The following BABAM2 variants were observed in gnomAD, a reference collection of about 807,000 sequenced individuals.
BABAM2 encodes BRISC and BRCA1-A complex member 2.
In BABAM2, 31 loss-of-function variants were observed where a neutral mutation model predicts 54.7. That is an observed-to-expected ratio of 0.57 (90% CI 0.43 to 0.77). The LOEUF (loss-of-function observed/expected upper bound fraction) is 0.77. BABAM2 is among the 30% of genes least tolerant of loss of function. BABAM2 has a pLI of 0.00. For missense variants in BABAM2, 364 were observed against 455.8 expected (o/e 0.80, Z 1.83); for synonymous variants, 167 against 162.9 (o/e 1.03, Z -0.19).
At chr2:28,033,028 A>C (rs1369794699) in intron 5 of BABAM2, among the ~76,000 whole-genome samples, 1 of 152,164 alleles carries the variant, frequency 6.6e-6, no homozygotes, top group Non-Finnish European at 1.5e-5. Flanking sequence ...ATCAAGATGC[A>C]GATATTCCAT....
At chr2:28,009,045 A>T (rs1368164200) in intron 4 of BABAM2, among the ~76,000 whole-genome samples, 2 of 152,084 alleles carry the variant, frequency 1.3e-5, no homozygotes, top group Admixed American at 6.6e-5. Context: ...TAGTCAATGG[A>T]TTGTATGTGA....
At position 27,969,536 on chromosome 2, in the gene BABAM2, A is replaced by T. The variant is rs1671057863; in HGVS notation, c.206-18457A>T. Reference sequence around the variant, plus strand: ...ACCCTCATCCTTCATTCTTAGTGTCATTCACTTCCAAGTAGTCCAGCCTTT... The same window carrying T: ...ACCCTCATCCTTCATTCTTAGTGTCTTTCACTTCCAAGTAGTCCAGCCTTT... On this transcript the variant is annotated intron_variant, in intron 3 of 11. Transcript: ENST00000379624. 1.3e-5 allele frequency among the ~76,000 whole-genome samples: 2 copies of T among 152,126 alleles called. 1 individual carries two copies. The highest frequency in any genetic ancestry group is 4.8e-5 in the African/African-American group (2 of 41,424).
intron 10 of BABAM2, among the ~76,000 whole-genome samples, chr2:28,249,715 A>G (rs370780164): frequency 4.7e-4 from 72 of 152,176 alleles, no homozygotes; most frequent in African/African-American, 1.7e-3. Flanking sequence ...ATCATGGCTC[A>G]CTGTAGCCTC....
At chr2:28,295,333 T>C (rs1017199030) in intron 10 of BABAM2, among the ~76,000 whole-genome samples, 22 of 152,212 alleles carry the variant, frequency 1.4e-4, no homozygotes, top group African/African-American at 5.1e-4. Flanking sequence ...AATTTATAAA[T>C]TATTGCAATT....
Position 28,004,291 on chromosome 2 carries a change from T to C in BABAM2, c.300+16204T>C, listed in dbSNP as rs193136898. Reference sequence around the variant, plus strand: ...AACGCCAGCTCAGCCCTTACACTGGTTTGATGTAATCCTTTAACCACAGAA... The same window carrying C: ...AACGCCAGCTCAGCCCTTACACTGGCTTGATGTAATCCTTTAACCACAGAA... On this transcript the variant is annotated intron_variant, in intron 4 of 11. Coordinates refer to ENST00000379624, the MANE Select transcript of BABAM2 (RefSeq NM_199191.3). Among the ~76,000 whole-genome samples, 996 of 152,282 alleles carry C rather than the reference T, an allele frequency of 6.5e-3. 6 individuals are homozygous for C. The highest frequency in any genetic ancestry group is 0.01 in the Non-Finnish European group (713 of 68,016).
At chr2:27,889,072 C>T (rs1242270403), upstream of BABAM2, among the ~76,000 whole-genome samples, 8 of 152,248 alleles carry the variant, frequency 5.3e-5, no homozygotes, top group Admixed American at 5.2e-4. Flanking sequence ...GTCTCCTACT[C>T]ATCCTCAAGT....
At chr2:28,001,321 C>T (rs1362852528) in intron 4 of BABAM2, among the ~76,000 whole-genome samples, 1 of 152,198 alleles carries the variant, frequency 6.6e-6, no homozygotes, top group African/African-American at 2.4e-5. Flanking sequence ...ATTCCTACTA[C>T]AAACATGTAT....
chr2:28,112,919 T>C (rs1256387411), intron 6 of BABAM2, among the ~76,000 whole-genome samples: 1 of 152,248 alleles, frequency 6.6e-6, no homozygotes, highest in Non-Finnish European at 1.5e-5. Flanking sequence ...AGATGGTATC[T>C]CATTGTGGCT....
intron 3 of BABAM2, among the ~76,000 whole-genome samples, chr2:27,942,931 G>GTA (rs1192582119): frequency 1.3e-5 from 2 of 151,920 alleles, no homozygotes; most frequent in African/African-American, 4.8e-5. Flanking sequence ...AGCCTCCCGA[G>GTA]TAGCTGGGAC....
At chr2:27,963,469 C>CAAAAAAAAAAAAAAAA (rs760525051) in intron 3 of BABAM2, among the ~76,000 whole-genome samples, 9 of 54,370 alleles carry the variant, frequency 1.7e-4, no homozygotes, top group East Asian at 5.9e-4. Flanking sequence ...GACTCTTTCT[C>CAAAAAAAAAAAAAAAA]AAAAAAAAAA....
At chr2:28,178,060 A>G (rs776559422) in intron 7 of BABAM2, among the ~76,000 whole-genome samples, 3 of 152,194 alleles carry the variant, frequency 2.0e-5, no homozygotes, top group Non-Finnish European at 4.4e-5. Context: ...GGAGACTTCA[A>G]CATCCCACTT....
intron 7 of BABAM2, among the ~76,000 whole-genome samples, chr2:28,130,028 A>G (rs1669888022): frequency 6.6e-6 from 1 of 152,222 alleles, no homozygotes. Flanking sequence ...ATGCTTTAGT[A>G]GCTTATTCTA....
intron 1 of BABAM2, among the ~76,000 whole-genome samples, chr2:27,894,322 G>A (rs1253962019): frequency 6.6e-6 from 1 of 152,204 alleles, no homozygotes; most frequent in Non-Finnish European, 1.5e-5. Flanking sequence ...TTCTGTTCCT[G>A]AAAAGCAGTG....
intron 11 of BABAM2, among the ~76,000 whole-genome samples, chr2:28,330,621 A>G (rs546637398): frequency 6.6e-6 from 1 of 152,342 alleles, no homozygotes; most frequent in East Asian, 1.9e-4. Flanking sequence ...AATACAACTT[A>G]CAAGGTATGT....
At chr2:27,896,765 G>T in intron 2 of BABAM2, 1 of 232,740 alleles carries the variant, frequency 4.3e-6, no homozygotes, top group East Asian at 1.5e-4. Context: ...TCCAGCAACT[G>T]GGCCAGCAGC....
intron 10 of BABAM2, among the ~76,000 whole-genome samples, chr2:28,281,053 A>G (rs1212007071): frequency 6.6e-6 from 1 of 152,044 alleles, no homozygotes; most frequent in African/African-American, 2.4e-5. Context: ...GATTTTTTTC[A>G]TCTGTCCTTA....
intron 6 of BABAM2, among the ~76,000 whole-genome samples, chr2:28,067,313 A>C (rs1663694407): frequency 6.6e-6 from 1 of 152,220 alleles, no homozygotes; most frequent in Admixed American, 6.5e-5. Context: ...TCAGATCTAT[A>C]ATAATAGCTC....
At chr2:28,328,386 A>T (rs541742716) in intron 11 of BABAM2, among the ~76,000 whole-genome samples, 1 of 152,302 alleles carries the variant, frequency 6.6e-6, no homozygotes, top group African/African-American at 2.4e-5. Flanking sequence ...TGAGCCTTAG[A>T]TGTTGGAACT....
chr2:27,993,812 A>C (rs944329184), intron 4 of BABAM2, among the ~76,000 whole-genome samples: 2 of 152,110 alleles, frequency 1.3e-5, no homozygotes, highest in Non-Finnish European at 2.9e-5. Context: ...ATGTAAGAGT[A>C]CCAATGCCTT....
Sources: gnomAD v4.1 joint callset for allele counts (sites outside exome capture counted in the v4.1 genomes callset) on GRCh38, gnomAD v4.1.1 for gene constraint, MANE v1.5 for transcripts, NCBI Gene and HGNC (gene_info 2026-07-23, HGNC 2026-07-21) for gene names.